TRAF6: variants seen among roughly 807,000 people sequenced by gnomAD.
The protein encoded by TRAF6 is TNF receptor-associated factor 6.
A neutral mutation model predicts 48.4 loss-of-function variants in TRAF6; 10 were observed. The observed-to-expected ratio is 0.21, with a 90% CI of 0.13 to 0.35. TRAF6 has a LOEUF of 0.35. TRAF6 is among the 10% of genes least tolerant of loss of function. TRAF6 has a pLI of 1.00. For missense variants in TRAF6, 397 were observed against 661.0 expected (o/e 0.60, Z 4.38); for synonymous variants, 186 against 219.6 (o/e 0.85, Z 1.35).
intron 2 of TRAF6, among the ~76,000 whole-genome samples, chr11:36,500,321 G>A (rs1163521753): frequency 6.6e-6 from 1 of 152,130 alleles, no homozygotes. Flanking sequence ...AAGTGGAAGA[G>A]TTAAGGGGTT....
At chr11:36,499,940 A>G (rs1359876304) in intron 2 of TRAF6, among the ~76,000 whole-genome samples, 2 of 152,190 alleles carry the variant, frequency 1.3e-5, no homozygotes, top group South Asian at 2.1e-4. Context: ...TTAGTTACCT[A>G]CAAAATTCCC....
rs1859451959 is a variant in TRAF6, at chr11:36,484,373, A to G, written c.*5465T>C. On this transcript the variant is annotated 3_prime_UTR_variant, in exon 7 of 7. Coordinates refer to ENST00000526995, the MANE Select transcript of TRAF6 (RefSeq NM_004620.4). ...ATTTTCAGAGTCCAGATGGATTAGG[A>G]TAACTGCTTACAAATTCCATGGCAA... 6.6e-6 allele frequency among the ~76,000 whole-genome samples: 1 copy of G among 152,176 alleles called. No homozygotes were observed. The highest frequency in any genetic ancestry group is 2.4e-5 in the African/African-American group (1 of 41,436).
In TRAF6 at chr11:36,490,590, A is replaced by G. The variant is rs1859550521; in HGVS notation, c.817T>C (p.Leu273=). ...CTCAAACTATGAACAGCCTGGGCCAACATTCTCATGTGTGACTGGGTGTTC... is the reference window on the plus strand; with the variant it reads ...CTCAAACTATGAACAGCCTGGGCCAGCATTCTCATGTGTGACTGGGTGTTC... ...QENTQSHMRM[L]AQAVHSLSVI... The change falls in exon 7 of 7, where the codon TTG becomes CTG. Residue 273 remains leucine, a synonymous_variant. Coordinates refer to ENST00000526995, the MANE Select transcript of TRAF6 (RefSeq NM_004620.4). The surrounding 1 kb of genome is among the most constrained non-coding windows in gnomAD (Gnocchi z 6.4). The G allele has an allele frequency of 6.2e-7, 1 of 1,614,094 alleles. No homozygotes were observed. Among genetic ancestry groups the G allele is most frequent in the Non-Finnish European group, 8.5e-7 (1 of 1,179,992 alleles).
chr11:36,495,884 C>G (rs1590637965), intron 4 of TRAF6, among the ~76,000 whole-genome samples: 2 of 152,078 alleles, frequency 1.3e-5, no homozygotes, highest in South Asian at 4.1e-4. Flanking sequence ...AGGAGTGAAA[C>G]TCCATCTCCA....
In TRAF6 at chr11:36,490,442, G is replaced by A; in HGVS notation, c.965C>T (p.Thr322Ile). The change falls in exon 7 of 7, where the codon ACT becomes ATT. Residue 322 changes from threonine (T) to isoleucine (I), a missense_variant. Thr to Ile is a moderately conservative substitution (Grantham distance 89, BLOSUM62 -1). Around this residue, in one of 4 missense-constraint regions of TRAF6, gnomAD observed 245 missense variants for 349.1 expected, o/e 0.70. Transcript: ENST00000526995. The surrounding 1 kb of genome is among the most constrained non-coding windows in gnomAD (Gnocchi z 6.4). Reference protein sequence around the residue: ...QIRELTAKMETQSMYVSELKR... With the variant: ...QIRELTAKMEIQSMYVSELKR... ...GAGCTCACTTACATACATACTCTGA[G>A]TTTCCATTTTAGCAGTCAGCTCCCG... 6.2e-7 allele frequency: 1 copy of A among 1,613,776 alleles called. No individual in the cohort carries two copies. Among genetic ancestry groups the A allele is most frequent in the Non-Finnish European group, 8.5e-7 (1 of 1,180,042 alleles).
Position 36,483,838 on chromosome 11 carries a change from G to T in TRAF6, c.*6000C>A, listed in dbSNP as rs1246240855. Among the ~76,000 whole-genome samples, 1 of 152,148 alleles carries T rather than the reference G, an allele frequency of 6.6e-6. No homozygotes were observed. The highest frequency in any genetic ancestry group is 1.9e-4 in the East Asian group (1 of 5,198). On this transcript the variant is annotated 3_prime_UTR_variant, in exon 7 of 7. Coordinates refer to ENST00000526995, the MANE Select transcript of TRAF6 (RefSeq NM_004620.4). ...GACATTGATGCAGTACATAGGGCTG[G>T]TAAGGAAGTAGTAACAGTGCGGAGG...
intron 6 of TRAF6, among the ~76,000 whole-genome samples, chr11:36,491,574 G>A (rs557167999): frequency 7.5e-4 from 114 of 152,260 alleles, no homozygotes; most frequent in African/African-American, 2.7e-3. Context: ...CAAAAAGAAA[G>A]ACATATCATA....
chr11:36,503,649 G>T (rs1294476403), intron 1 of TRAF6, among the ~76,000 whole-genome samples: 1 of 152,116 alleles, frequency 6.6e-6, no homozygotes, highest in Non-Finnish European at 1.5e-5. Flanking sequence ...TGCTATATCT[G>T]ATGTGGACTC....
In TRAF6 at chr11:36,483,930, C is replaced by T. The variant is rs1445692168; in HGVS notation, c.*5908G>A. On this transcript the variant is annotated 3_prime_UTR_variant, in exon 7 of 7. Coordinates refer to ENST00000526995, the MANE Select transcript of TRAF6 (RefSeq NM_004620.4). ...ATTCAAAAAGGTGCCATTCAAGGAACACTTTTGGTCATACCTTGCAACCAG... is the reference window on the plus strand; with the variant it reads ...ATTCAAAAAGGTGCCATTCAAGGAATACTTTTGGTCATACCTTGCAACCAG... Among the ~76,000 whole-genome samples, 1 of 152,158 alleles carries T rather than the reference C, an allele frequency of 6.6e-6. No individual in the cohort carries two copies. Among genetic ancestry groups the T allele is most frequent in the Non-Finnish European group, 1.5e-5 (1 of 68,034 alleles).
At chr11:36,498,784 C>A (rs563686625) in intron 2 of TRAF6, 144 bp from the exon 3 acceptor site, 1 of 837,578 alleles carries the variant, frequency 1.2e-6, no homozygotes, top group East Asian at 2.9e-5. Flanking sequence ...GTCACCAAAA[C>A]AAACTGTCCT....
chr11:36,506,869 T>A (rs140626058), intron 1 of TRAF6, among the ~76,000 whole-genome samples: 139 of 152,250 alleles, frequency 9.1e-4, no homozygotes, highest in African/African-American at 2.7e-3. Flanking sequence ...TCCACAGTAT[T>A]TAGTTTCATG....
Position 36,489,690 on chromosome 11 carries a change from G to T in TRAF6, c.*148C>A. The T allele has an allele frequency of 1.1e-6, 1 of 902,980 alleles. No homozygotes were observed. Among genetic ancestry groups the T allele is most frequent in the Admixed American group, 2.4e-5 (1 of 40,912 alleles). The allele number at this position is 902,980 out of a possible 1,614,324, so 55.9% of individuals were successfully genotyped here. On this transcript the variant is annotated 3_prime_UTR_variant, in exon 7 of 7. Transcript: ENST00000526995. Reference sequence around the variant, plus strand: ...AAACTGCCTCAGATCATTTGTAACAGGAAGAAATAGTAAGTGACCTCTCTA... The same window carrying T: ...AAACTGCCTCAGATCATTTGTAACATGAAGAAATAGTAAGTGACCTCTCTA...
chr11:36,503,434 G>A (rs1025574650), intron 1 of TRAF6, among the ~76,000 whole-genome samples: 10 of 151,804 alleles, frequency 6.6e-5, no homozygotes, highest in African/African-American at 2.2e-4. Flanking sequence ...ACAGGCGCCC[G>A]CCACCACGCC....
At chr11:36,506,765 G>A (rs1859790007) in intron 1 of TRAF6, among the ~76,000 whole-genome samples, 1 of 152,134 alleles carries the variant, frequency 6.6e-6, no homozygotes. Flanking sequence ...AAATCTATTT[G>A]CCTTCAAGTT....
At chr11:36,497,317 A>G (rs1564967003) in intron 3 of TRAF6, 51 bp from the exon 4 acceptor site, 7 of 1,536,282 alleles carry the variant, frequency 4.6e-6, no homozygotes, top group Non-Finnish European at 6.2e-6. Flanking sequence ...GAAGTCTTCT[A>G]CATATAAGCT....
Position 36,485,311 on chromosome 11 carries a change from T to C in TRAF6, c.*4527A>G, listed in dbSNP as rs1859465965. ...TGCTGCTTTCAATAAATGTTCATTA[T>C]TACGTATTTGAGTGTGTGCAACGTG... On this transcript the variant is annotated 3_prime_UTR_variant, in exon 7 of 7. Transcript: ENST00000526995. 6.6e-6 allele frequency among the ~76,000 whole-genome samples: 1 copy of C among 152,186 alleles called. No homozygotes were observed. The highest frequency in any genetic ancestry group is 6.5e-5 in the Admixed American group (1 of 15,276).
At chr11:36,507,861 C>CATATAT in intron 1 of TRAF6, among the ~76,000 whole-genome samples, 2 of 146,126 alleles carry the variant, frequency 1.4e-5, no homozygotes, top group African/African-American at 5.1e-5. Flanking sequence ...TATATATACA[C>CATATAT]ACACTTTTTT....
At chr11:36,498,758 A>C (rs1859676139) in intron 2 of TRAF6, 118 bp from the exon 3 acceptor site, 1 of 1,107,812 alleles carries the variant, frequency 9.0e-7, no homozygotes, top group African/African-American at 1.6e-5. Flanking sequence ...AAACAATTTA[A>C]CATATTATAT....
chr11:36,505,383 T>C (rs1859771231), intron 1 of TRAF6, among the ~76,000 whole-genome samples: 1 of 152,244 alleles, frequency 6.6e-6, no homozygotes, highest in South Asian at 2.1e-4. Context: ...GTTACGGAGA[T>C]GCGTTTCTTT....
Sources: allele counts gnomAD v4.1 joint callset (sites outside exome capture counted in the v4.1 genomes callset), GRCh38; gene constraint gnomAD v4.1.1; regional missense constraint gnomAD v4.1.1; non-coding constraint Gnocchi (gnomAD v3.1); transcripts MANE v1.5; gene names NCBI Gene and HGNC (gene_info 2026-07-23, HGNC 2026-07-21).